Variants in MAPK10 observed in about 807,000 individuals in gnomAD.
The protein encoded by MAPK10 is mitogen-activated protein kinase 10.
A neutral mutation model predicts 59.3 loss-of-function variants in MAPK10; 25 were observed. The observed-to-expected ratio is 0.42, with a 90% CI of 0.31 to 0.59. The LOEUF is 0.59. MAPK10 is among the 20% of genes least tolerant of loss of function. MAPK10 has a pLI of 0.15. For synonymous variants in MAPK10, 190 were observed against 200.5 expected (o/e 0.95, Z 0.44); for missense variants, 351 against 568.9 (o/e 0.62, Z 3.90).
At chr4:86,409,692 GCTCT>G (rs1397167341) in intron 1 of MAPK10, among the ~76,000 whole-genome samples, 1 of 151,972 alleles carries the variant, frequency 6.6e-6, no homozygotes, top group Non-Finnish European at 1.5e-5. Context: ...TCATGATTTG[GCTCT>G]CTGTTTGCCT....
At chr4:86,086,515 C>T (rs1380228576) in intron 9 of MAPK10, among the ~76,000 whole-genome samples, 1 of 151,718 alleles carries the variant, frequency 6.6e-6, no homozygotes, top group African/African-American at 2.4e-5. Context: ...TCATGTGCCC[C>T]ATAAATATAC....
At chr4:86,415,282 G>A (rs7697335) in intron 1 of MAPK10, among the ~76,000 whole-genome samples, 26,708 of 151,926 alleles carry the variant, frequency 0.18, 2,454 homozygotes, top group South Asian at 0.28. Flanking sequence ...GCCCATTCCC[G>A]ATCCATATTG....
intron 11 of MAPK10, among the ~76,000 whole-genome samples, chr4:86,055,142 G>C (rs927063870): frequency 3.3e-5 from 5 of 152,064 alleles, no homozygotes; most frequent in Non-Finnish European, 7.4e-5. Flanking sequence ...ACTGGTGATG[G>C]GCACTTGGGA....
intron 2 of MAPK10, among the ~76,000 whole-genome samples, chr4:86,251,041 C>CA (rs1324150578): frequency 7.7e-6 from 1 of 129,134 alleles, no homozygotes; most frequent in Non-Finnish European, 1.5e-5. Flanking sequence ...TTGTCCATCA[C>CA]AAAAGATATT....
chr4:86,086,642 T>G (rs993910555), intron 9 of MAPK10, among the ~76,000 whole-genome samples: 4 of 152,146 alleles, frequency 2.6e-5, no homozygotes, highest in African/African-American at 9.7e-5. Flanking sequence ...GAGGATATAT[T>G]GACTAAAAAT....
chr4:86,508,265 A>G (rs1755956275), intron 1 of MAPK10, among the ~76,000 whole-genome samples: 1 of 152,186 alleles, frequency 6.6e-6, no homozygotes, highest in Admixed American at 6.5e-5. Flanking sequence ...AATTGAGTGC[A>G]GTACTGACTT....
chr4:86,562,902 A>T (rs1225184363), intron 1 of MAPK10, among the ~76,000 whole-genome samples: 1 of 152,178 alleles, frequency 6.6e-6, no homozygotes, highest in Non-Finnish European at 1.5e-5. Context: ...CTTCTTCCAT[A>T]ACCAGAATTC....
intron 4 of MAPK10, among the ~76,000 whole-genome samples, chr4:86,130,750 C>G (rs573701623): frequency 6.6e-6 from 1 of 152,130 alleles, no homozygotes; most frequent in African/African-American, 2.4e-5. Context: ...TCAGATAAGA[C>G]ACAGGATGGG....
intron 1 of MAPK10, among the ~76,000 whole-genome samples, chr4:86,470,757 T>A (rs1315946997): frequency 1.9e-4 from 29 of 152,198 alleles, no homozygotes; most frequent in African/African-American, 2.4e-5. Context: ...TTGCTTTGCA[T>A]GTAGAAGACA....
intron 1 of MAPK10, among the ~76,000 whole-genome samples, chr4:86,491,708 C>CT (rs1300534764): frequency 6.6e-6 from 1 of 152,154 alleles, no homozygotes; most frequent in South Asian, 2.1e-4. Context: ...AAATGTGTCA[C>CT]TTTAATGCCT....
At chr4:86,295,254 G>A (rs34448816) in intron 2 of MAPK10, among the ~76,000 whole-genome samples, 44,402 of 151,976 alleles carry the variant, frequency 0.29, 6,846 homozygotes, top group Admixed American at 0.4. Context: ...CCTGGAGGAT[G>A]CTCTCCCAGA....
chr4:86,216,295 C>CATATATATATATATAT (rs10639041), intron 2 of MAPK10, among the ~76,000 whole-genome samples: 17 of 131,150 alleles, frequency 1.3e-4, no homozygotes, highest in African/African-American at 5.1e-4. Context: ...ATATATATAG[C>CATATATATATATATAT]ATATATATAT....
intron 3 of MAPK10, among the ~76,000 whole-genome samples, chr4:86,181,744 T>C (rs1466804612): frequency 6.6e-6 from 1 of 152,096 alleles, no homozygotes; most frequent in Non-Finnish European, 1.5e-5. Flanking sequence ...CCTGAGATAG[T>C]ACCACTGAAT....
chr4:86,247,195 GCTCTGT>G (rs974022434), intron 2 of MAPK10, among the ~76,000 whole-genome samples: 4 of 152,190 alleles, frequency 2.6e-5, no homozygotes, highest in Admixed American at 6.5e-5. Flanking sequence ...CCCTCAGCCT[GCTCTGT>G]CTCTGTCTCT....
intron 1 of MAPK10, among the ~76,000 whole-genome samples, chr4:86,535,148 T>G (rs2052310225): frequency 6.6e-6 from 1 of 152,158 alleles, no homozygotes; most frequent in Non-Finnish European, 1.5e-5. Flanking sequence ...GTTTCCATTT[T>G]GAGTTTTGTT....
chr4:86,073,757 G>A (rs1375761038), intron 9 of MAPK10, among the ~76,000 whole-genome samples: 2 of 108,412 alleles, frequency 1.8e-5, no homozygotes, highest in Admixed American at 8.6e-5. Flanking sequence ...TGGTCTGAGA[G>A]ATAGTTTGTT....
chr4:86,431,369 T>C (rs2149041004), intron 1 of MAPK10, among the ~76,000 whole-genome samples: 1 of 152,334 alleles, frequency 6.6e-6, no homozygotes, highest in Middle Eastern at 3.4e-3. Context: ...ATGACTGATA[T>C]TTTTCACTTA....
intron 2 of MAPK10, among the ~76,000 whole-genome samples, chr4:86,245,698 T>C (rs2093041187): frequency 1.3e-5 from 2 of 152,108 alleles, no homozygotes; most frequent in South Asian, 2.1e-4. Flanking sequence ...CTTGTGGGTC[T>C]ACCACTCAAG....
intron 4 of MAPK10, among the ~76,000 whole-genome samples, chr4:86,121,122 G>A (rs1302750301): frequency 2.6e-5 from 4 of 152,094 alleles, no homozygotes; most frequent in African/African-American, 4.8e-5. Context: ...GCCTACATAC[G>A]ATGATTTAAC....
Sources: allele counts gnomAD v4.1 joint callset (sites outside exome capture counted in the v4.1 genomes callset), GRCh38; gene constraint gnomAD v4.1.1; transcripts MANE v1.5; gene names NCBI Gene and HGNC (gene_info 2026-07-23, HGNC 2026-07-21).